The following NOL6 variants were observed in gnomAD, a reference collection of about 807,000 sequenced individuals.
The protein encoded by NOL6 is nucleolar RNA-associated protein.
NOL6 carries 33 observed loss-of-function variants against 131.7 expected under a neutral mutation model. The observed-to-expected ratio is 0.25, with a 90% confidence interval of 0.19 to 0.33. NOL6 has a LOEUF of 0.33. NOL6 is among the 10% of genes least tolerant of loss of function. The pLI is 1.00. For synonymous variants in NOL6, 580 were observed against 605.7 expected, an observed-to-expected ratio of 0.96 and a Z score of 0.62; for missense variants, 1,297 against 1,494.5, an observed-to-expected ratio of 0.87 and a Z score of 2.18.
chr9:33,467,384 G>T lies in NOL6; in HGVS notation c.1725+10C>A. 1.2e-6 allele frequency: 2 copies of T among 1,613,854 alleles called. No homozygotes were observed. Among genetic ancestry groups the T allele is most frequent in the Non-Finnish European group, 1.7e-6 (2 of 1,179,868 alleles). ...CCATTCCTTCCAGTGTACATGCTGG[G>T]GTCCCCCACCTCAGGCTGGTCTGCC... is the stretch of plus-strand genomic sequence containing the variant. On this transcript the variant is annotated intron_variant, in intron 13 of 25. Coordinates refer to ENST00000297990, the MANE Select transcript of NOL6 (RefSeq NM_022917.5). The surrounding 1 kb of genome is among the most constrained non-coding windows in gnomAD (Gnocchi z 4.4).
intron 21 of NOL6, 48 bp from the exon 22 acceptor site, chr9:33,464,209 C>A: frequency 6.4e-7 from 1 of 1,557,334 alleles, no homozygotes; most frequent in South Asian, 1.2e-5. Flanking sequence ...CCCTGTAAGA[C>A]ACCCTCTACT....
chr9:33,466,509 G>C, intron 16 of NOL6, 60 bp downstream of exon 16: 2 of 1,612,388 alleles, frequency 1.2e-6, no homozygotes, highest in South Asian at 2.2e-5. Flanking sequence ...GGAATACTGG[G>C]TGACTGGAGC....
At chr9:33,465,185 G>A in intron 20 of NOL6, 22 bp downstream of exon 20, 1 of 1,579,306 alleles carries the variant, frequency 6.3e-7, no homozygotes, top group Non-Finnish European at 8.6e-7. Flanking sequence ...TTCTCAGCTG[G>A]GGAAAAAGTG....
At position 33,462,819 on chromosome 9, in the gene NOL6, G is replaced by A; in HGVS notation, c.3292-6C>T. 10 of 1,613,930 alleles carry A rather than the reference G, an allele frequency of 6.2e-6. No individual in the cohort carries two copies. Among genetic ancestry groups the A allele is most frequent in the Non-Finnish European group, 8.5e-6 (10 of 1,179,934 alleles). On this transcript the variant is annotated splice_region_variant and splice_polypyrimidine_tract_variant and intron_variant, in intron 25 of 25. Transcript: ENST00000297990. ...CGCCCCTTTGTGCTGGAGGCCTGGG[G>A]AAATCAGAGAAGAGATGTGGGTTGA...
rs902360551 is a variant in NOL6 at position 33,473,679 on chromosome 9, G to C, written c.54+110C>G. 3.9e-6 allele frequency: 5 copies of C among 1,278,886 alleles called. No individual in the cohort carries two copies. The Admixed American group carries it at 5.7e-5, about 14-fold the overall frequency. 79.2% of individuals were successfully genotyped at this position (1,278,886 alleles called of 1,614,324 possible). The stretch of plus-strand genomic sequence containing the variant: ...ACTGGCTGGAAACATCCTCCAGAAT[G>C]GGCCGCCGGCATGGCTTTCACCCGC... On this transcript the variant is annotated intron_variant, in intron 1 of 25. Coordinates refer to ENST00000297990, the MANE Select transcript of NOL6 (RefSeq NM_022917.5).
At chr9:33,466,743 C>T in intron 15 of NOL6, 34 bp from the exon 16 acceptor site, 1 of 1,608,578 alleles carries the variant, frequency 6.2e-7, no homozygotes, top group South Asian at 1.1e-5. Context: ...AGGCTGGACC[C>T]TACAGAAGGC....
intron 5 of NOL6, 50 bp from the exon 6 acceptor site, chr9:33,469,391 A>C (rs772150222): frequency 3.1e-6 from 5 of 1,612,502 alleles, no homozygotes; most frequent in Non-Finnish European, 4.2e-6. Flanking sequence ...TTGGAGCCAG[A>C]GGGCTCCCCA....
chr9:33,464,781 G>C (rs754380050), intron 21 of NOL6, 98 bp downstream of exon 21: 87 of 802,308 alleles, frequency 1.1e-4, no homozygotes, highest in Non-Finnish European at 1.7e-4. Flanking sequence ...CTGGGGCTGG[G>C]GAGGCACAGA....
rs200115109 is a variant in NOL6 at position 33,464,105 on chromosome 9, C to T, written c.2836G>A (p.Val946Ile). 3.8e-5 allele frequency: 61 copies of T among 1,613,400 alleles called. No homozygotes were observed. Among genetic ancestry groups the T allele is most frequent in the Admixed American group, 1.3e-4 (8 of 59,928 alleles). Reference protein sequence around the residue: ...GFLAARAQLPVMVIVTPQDRK... With the variant: ...GFLAARAQLPIMVIVTPQDRK... ...TCTTGGGGGGTAACAATGACCATGA[C>T]GGGGAGCTGTGCCCGAGCTGCCAGG... Residue 946 changes from valine (V) to isoleucine (I), a missense_variant, in exon 22 of 26, where the codon GTC becomes ATC. By Grantham distance (29) the Val-to-Ile change is conservative. Transcript: ENST00000297990.
In NOL6 at chr9:33,462,746, T is replaced by C; in HGVS notation, c.3359A>G (p.Glu1120Gly). ...CACAGCAAAGTCCTCCAGGATTGCT[T>C]CAACATTGGGCACCATTACTAGCTC... ...GGELVMVPNV[E>G]AILEDFAVLG... is the part of the protein sequence containing the mutation. Residue 1120 changes from glutamate (E) to glycine (G), a missense_variant, in exon 26 of 26, where the codon GAA becomes GGA. Coordinates refer to ENST00000297990, the MANE Select transcript of NOL6 (RefSeq NM_022917.5). 6.2e-7 allele frequency: 1 copy of C among 1,613,980 alleles called. No homozygotes were observed. The highest frequency in any genetic ancestry group is 8.5e-7 in the Non-Finnish European group (1 of 1,179,978).
chr9:33,468,010 C>A lies in NOL6; in HGVS notation c.1424+20G>T. On this transcript the variant is annotated intron_variant, in intron 11 of 25. Coordinates refer to ENST00000297990, the MANE Select transcript of NOL6 (RefSeq NM_022917.5). ...GAAGAGACAGGACCCGCCAACATAC[C>A]CTGTCACCCCTAAACTCACTGCAGG... 6.2e-7 allele frequency: 1 copy of A among 1,614,104 alleles called. No homozygotes were observed. Among genetic ancestry groups the A allele is most frequent in the Non-Finnish European group, 8.5e-7 (1 of 1,180,014 alleles).
Position 33,463,017 on chromosome 9 carries a change from T to C in NOL6, c.3291+16A>G, listed in dbSNP as rs1383535949. ...GTGCACACACTCAGGAACACAGCTG[T>C]CACCAGCCAGCACACCTTGAAGGGC... On this transcript the variant is annotated intron_variant, in intron 25 of 25. Transcript: ENST00000297990. 6.2e-7 allele frequency: 1 copy of C among 1,607,264 alleles called. No individual in the cohort carries two copies. The highest frequency in any genetic ancestry group is 8.5e-7 in the Non-Finnish European group (1 of 1,175,070).
rs1827261318 is a variant in NOL6 at position 33,466,896 on chromosome 9, A to T, written c.1950+16T>A. ...GATTACTCTACAATCACTAGCCTTG[A>T]CCCCAAGACCCTTACCTCTTTCAGG... On this transcript the variant is annotated intron_variant, in intron 15 of 25. Transcript: ENST00000297990. 1.2e-6 allele frequency: 2 copies of T among 1,611,950 alleles called. No individual in the cohort carries two copies. The highest frequency in any genetic ancestry group is 2.2e-5 in the South Asian group (2 of 90,908).
Position 33,468,035 on chromosome 9 carries a change from G to A in NOL6, c.1419C>T (p.Val473=). ...CCTGTCACCCCTAAACTCACTGCAG[G>A]ACATGGTCAAAAGCCCGGATCATGG... ...PKPMIRAFDH[V]LHLRPLSRLQ... Residue 473 remains valine, a synonymous_variant, in exon 11 of 26, where the codon GTC becomes GTT. Transcript: ENST00000297990. 6.2e-7 allele frequency: 1 copy of A among 1,614,132 alleles called. No individual in the cohort carries two copies.
At position 33,467,330 on chromosome 9, in the gene NOL6, C is replaced by T; in HGVS notation, c.1725+64G>A. On this transcript the variant is annotated intron_variant, in intron 13 of 25. Coordinates refer to ENST00000297990, the MANE Select transcript of NOL6 (RefSeq NM_022917.5). The surrounding 1 kb of genome is among the most constrained non-coding windows in gnomAD (Gnocchi z 4.4). ...TCTGTGGACCCTCCCCAACAAGCTTCAGTCCAGGTGCCATGAGGACGAGCC... is the reference window on the plus strand; with the variant it reads ...TCTGTGGACCCTCCCCAACAAGCTTTAGTCCAGGTGCCATGAGGACGAGCC... The T allele has an allele frequency of 6.2e-7, 1 of 1,610,156 alleles. No homozygotes were observed. Among genetic ancestry groups the T allele is most frequent in the South Asian group, 1.1e-5 (1 of 90,978 alleles).
chr9:33,466,034 C>T (rs368207663), intron 18 of NOL6, 37 bp downstream of exon 18: 39 of 1,561,796 alleles, frequency 2.5e-5, no homozygotes, highest in Non-Finnish European at 3.3e-5. Flanking sequence ...CTGGTGCCCC[C>T]CTTCCCTGGG....
At position 33,462,498 on chromosome 9, in the gene NOL6, G is replaced by T; in HGVS notation, c.*166C>A. On this transcript the variant is annotated 3_prime_UTR_variant, in exon 26 of 26. Coordinates refer to ENST00000297990, the MANE Select transcript of NOL6 (RefSeq NM_022917.5). ...CCCCTGCCCCAATGCTGGAGCATCA[G>T]AGAGAAAGTTGGGGCTGGGTTTTGT... is the stretch of plus-strand genomic sequence containing the variant. The T allele has an allele frequency of 2.7e-6, 2 of 748,778 alleles. No homozygotes were observed. Among genetic ancestry groups the T allele is most frequent in the East Asian group, 2.7e-5 (1 of 37,232 alleles). The allele number at this position is 748,778 out of a possible 1,614,324, so 46.4% of individuals were successfully genotyped here.
chr9:33,472,487 A>G, intron 1 of NOL6, 75 bp from the exon 2 acceptor site: 1 of 1,210,272 alleles, frequency 8.3e-7, no homozygotes, highest in South Asian at 1.3e-5. Context: ...CCACCATGAT[A>G]GGTTGTGGGT....
At position 33,465,841 on chromosome 9, in the gene NOL6, C is replaced by T; in HGVS notation, c.2421G>A (p.Lys807=). ...VAYQREPQIL[K]EVQSPEGMIS... is the part of the protein sequence containing the mutation. ...TCATCCCCTCTGGGCTCTGCACCTC[C>T]TTCAGGATCTGGGGCTCCCGCTGAT... The change falls in exon 19 of 26, where the codon AAG becomes AAA. Residue 807 remains lysine, a synonymous_variant. Coordinates refer to ENST00000297990, the MANE Select transcript of NOL6 (RefSeq NM_022917.5). 1 of 1,614,158 alleles carries T rather than the reference C, an allele frequency of 6.2e-7. No homozygotes were observed. The highest frequency in any genetic ancestry group is 8.5e-7 in the Non-Finnish European group (1 of 1,180,006).
Sources: gnomAD v4.1 joint callset for allele counts on GRCh38, gnomAD v4.1.1 for gene constraint, Gnocchi (gnomAD v3.1) non-coding constraint, MANE v1.5 for transcripts, NCBI Gene and HGNC (gene_info 2026-07-23, HGNC 2026-07-21) for gene names.